The following ABCA13 variants were observed in gnomAD, a reference collection of about 807,000 sequenced individuals.
ABCA13 encodes ATP-binding cassette sub-family A member 13.
A neutral mutation model predicts 478.7 loss-of-function variants in ABCA13; 476 were observed. The observed-to-expected ratio is 0.99, with a 90% CI of 0.92 to 1.07. The LOEUF (loss-of-function observed/expected upper bound fraction) is 1.07. Ranked by LOEUF, ABCA13 falls within the 50% of genes least tolerant of loss-of-function variation. ABCA13 has a pLI of 0.00. For synonymous variants in ABCA13, 2,252 were observed against 2,158.9 expected (o/e 1.04, Z -1.20); for missense variants, 6,060 against 5,910.6 (o/e 1.03, Z -0.83).
intron 27 of ABCA13, among the ~76,000 whole-genome samples, chr7:48,322,766 C>T (rs888372175): frequency 6.6e-5 from 10 of 152,014 alleles, no homozygotes; most frequent in African/African-American, 1.2e-4. Flanking sequence ...GGCTTTTTTT[C>T]GGTCGACAGC....
At position 48,288,066 on chromosome 7, in the gene ABCA13, G is replaced by T. The variant is rs199656243; in HGVS notation, c.8943G>T (p.Gln2981His). 596 of 1,613,840 alleles carry T rather than the reference G, an allele frequency of 3.7e-4. 5 individuals are homozygous for T. In the South Asian group the frequency reaches 4.5e-3, roughly 12 times the overall value. ...CTATACAAGGGGTCACTTTGGCGCAGGACCACTTCCAGGTTTGTCGTCTTT... is the reference window on the plus strand; with the variant it reads ...CTATACAAGGGGTCACTTTGGCGCATGACCACTTCCAGGTTTGTCGTCTTT... The part of the protein sequence containing the change: ...LSAIQGVTLA[Q>H]DHFQEIEKIW... Residue 2981 changes from glutamine (Q) to histidine (H), a missense_variant, in exon 20 of 62, where the codon CAG becomes CAT. Transcript: ENST00000435803.
Position 48,352,086 on chromosome 7 carries a change from G to A in ABCA13, c.10382-95G>A, listed in dbSNP as rs2128984861. The A allele has an allele frequency of 6.3e-6, 8 of 1,268,412 alleles. No homozygotes were observed. In the South Asian group the frequency reaches 9.6e-5, roughly 15 times the overall value. 78.6% of individuals were successfully genotyped at this position (1,268,412 alleles called of 1,614,324 possible). On this transcript the variant is annotated intron_variant, in intron 30 of 61. Coordinates refer to ENST00000435803, the MANE Select transcript of ABCA13 (RefSeq NM_152701.5). Reference sequence around the variant, plus strand: ...AGGAGTGGAGGGCTGTGAGTCTCAGGCTCCTGCAACTTTTCCTGTCTCACC... The same window carrying A: ...AGGAGTGGAGGGCTGTGAGTCTCAGACTCCTGCAACTTTTCCTGTCTCACC...
intron 27 of ABCA13, among the ~76,000 whole-genome samples, chr7:48,335,047 A>G (rs993563152): frequency 1.3e-5 from 2 of 152,194 alleles, no homozygotes; most frequent in African/African-American, 2.4e-5. Flanking sequence ...TCTATCCTCA[A>G]TAGTGTTGGG....
chr7:48,308,787 A>G (rs1563017805), intron 23 of ABCA13, among the ~76,000 whole-genome samples: 1 of 151,348 alleles, frequency 6.6e-6, no homozygotes, highest in Non-Finnish European at 1.5e-5. Flanking sequence ...TACCTTTTCT[A>G]TGTTTAGATA....
In ABCA13 at chr7:48,214,488, C is replaced by A. The variant is rs948585304; in HGVS notation, c.288-4866C>A. ...CTTCTCCTCTCCGGTTAATGAAAGT[C>A]CTAGATAGCATCTTCCAATGCAAGG... On this transcript the variant is annotated intron_variant, in intron 3 of 61. Coordinates refer to ENST00000435803, the MANE Select transcript of ABCA13 (RefSeq NM_152701.5). Among the ~76,000 whole-genome samples the A allele has an allele frequency of 2.6e-5, 4 of 152,148 alleles. 1 individual carries two copies. In the South Asian group the frequency reaches 8.3e-4, roughly 32 times the overall value.
chr7:48,544,476 A>T (rs1378147933), intron 55 of ABCA13, among the ~76,000 whole-genome samples: 1 of 151,674 alleles, frequency 6.6e-6, no homozygotes, highest in Non-Finnish European at 1.5e-5. Context: ...GGTTAAGTTG[A>T]TCACAAATGA....
rs546696940 is a variant in ABCA13, at chr7:48,555,828, CTTTA to C, written c.14355-24388_14355-24385del. On this transcript the variant is annotated intron_variant, in intron 55 of 61. Transcript: ENST00000435803. ...CACATTCATTTATTTCTGTTTTAATCTTTATTTATTTTTTACCAATTTTGGGTTT... is the reference window on the plus strand; with the variant it reads ...CACATTCATTTATTTCTGTTTTAATCTTTATTTTTTACCAATTTTGGGTTT... Among the ~76,000 whole-genome samples, 75 of 150,820 alleles carry C rather than the reference CTTTA, an allele frequency of 5.0e-4. 1 individual carries two copies. The South Asian group carries it at 0.015, about 30-fold the overall frequency.
At chr7:48,519,529 T>A (rs1183754392) in intron 52 of ABCA13, among the ~76,000 whole-genome samples, 1 of 152,240 alleles carries the variant, frequency 6.6e-6, no homozygotes, top group East Asian at 1.9e-4. Flanking sequence ...AAACACAAGA[T>A]CTGGAACATC....
At chr7:48,259,515 C>T (rs1208179128) in intron 15 of ABCA13, among the ~76,000 whole-genome samples, 1 of 152,038 alleles carries the variant, frequency 6.6e-6, no homozygotes, top group Non-Finnish European at 1.5e-5. Flanking sequence ...AGATGGGTCT[C>T]TTGAAGACAC....
intron 3 of ABCA13, among the ~76,000 whole-genome samples, chr7:48,208,446 T>G (rs1290687622): frequency 6.6e-6 from 1 of 152,120 alleles, no homozygotes; most frequent in Non-Finnish European, 1.5e-5. Context: ...ACACGGAACA[T>G]CTTTCTAACT....
intron 40 of ABCA13, among the ~76,000 whole-genome samples, chr7:48,411,050 T>TCTTTCTTTCC (rs369120669): frequency 6.3e-4 from 39 of 62,104 alleles, no homozygotes; most frequent in Admixed American, 1.7e-3. Flanking sequence ...TTTCTTTCTT[T>TCTTTCTTTCC]TTCTTTCTTT....
intron 42 of ABCA13, among the ~76,000 whole-genome samples, chr7:48,433,097 A>G (rs1288857005): frequency 6.6e-6 from 1 of 152,044 alleles, no homozygotes; most frequent in African/African-American, 2.4e-5. Flanking sequence ...AACTATAATA[A>G]TAAACAAATA....
chr7:48,208,067 A>T (rs1315497188), intron 3 of ABCA13, among the ~76,000 whole-genome samples: 1 of 151,970 alleles, frequency 6.6e-6, no homozygotes, highest in East Asian at 1.9e-4. Context: ...TTCCTCATTG[A>T]ATGTTCTTGG....
intron 55 of ABCA13, among the ~76,000 whole-genome samples, chr7:48,566,951 A>G (rs1374716835): frequency 6.6e-6 from 1 of 152,176 alleles, no homozygotes; most frequent in Non-Finnish European, 1.5e-5. Flanking sequence ...AACTACTTAT[A>G]GTGATAGACA....
intron 60 of ABCA13, among the ~76,000 whole-genome samples, chr7:48,643,649 T>G (rs541485076): frequency 6.6e-6 from 1 of 152,320 alleles, no homozygotes; most frequent in South Asian, 2.1e-4. Flanking sequence ...ATATCACGCC[T>G]CTTATCTGTG....
At chr7:48,506,290 A>T (rs1231334459) in intron 48 of ABCA13, 46 bp from the exon 49 acceptor site, 1 of 1,589,940 alleles carries the variant, frequency 6.3e-7, no homozygotes, top group Non-Finnish European at 8.6e-7. Context: ...GCGATTCACC[A>T]TGCAGGAGCA....
intron 8 of ABCA13, 118 bp from the exon 9 acceptor site, chr7:48,239,123 T>G (rs1340372543): frequency 2.9e-6 from 3 of 1,048,576 alleles, no homozygotes; most frequent in Non-Finnish European, 4.2e-6. Flanking sequence ...ATCACTTACT[T>G]CTTCAATCAA....
chr7:48,592,029 G>C (rs1040162675), intron 57 of ABCA13, among the ~76,000 whole-genome samples: 2 of 151,772 alleles, frequency 1.3e-5, no homozygotes, highest in South Asian at 4.1e-4. Flanking sequence ...TCCTTGTCTT[G>C]TTCTTCTTAG....
intron 51 of ABCA13, among the ~76,000 whole-genome samples, chr7:48,514,452 G>T (rs1305892408): frequency 1.3e-5 from 2 of 152,182 alleles, no homozygotes; most frequent in African/African-American, 2.4e-5. Flanking sequence ...GTCACGTGCT[G>T]TTCCAGAATA....
Sources: allele counts gnomAD v4.1 joint callset (sites outside exome capture counted in the v4.1 genomes callset), GRCh38; gene constraint gnomAD v4.1.1; transcripts MANE v1.5; gene names NCBI Gene and HGNC (gene_info 2026-07-23, HGNC 2026-07-21).